The following BCL2L1 variants were observed in gnomAD, a reference collection of about 807,000 sequenced individuals.
BCL2L1 encodes the protein bcl-2-like protein 1.
Under a neutral mutation model 18.7 loss-of-function variants are expected in BCL2L1, and 1 was observed. The observed-to-expected ratio is 0.05, with a 90% CI of 0.02 to 0.25. BCL2L1 has a LOEUF of 0.25. BCL2L1 is among the 10% of genes least tolerant of loss of function. The pLI, the probability that BCL2L1 is intolerant of heterozygous loss-of-function variation, is 1.00. For missense variants in BCL2L1, 207 were observed against 304.9 expected (o/e 0.68, Z 2.39); for synonymous variants, 103 against 122.7 (o/e 0.84, Z 1.06).
In BCL2L1 at chr20:31,694,959, C is replaced by T. The variant is rs564461971; in HGVS notation, c.564+26696G>A. ...AACTAGGACTTGAATGCAGGCAGTT[C>T]AACTCCACAGCCCTAGCAGGAAATC... On this transcript the variant is annotated intron_variant, in intron 2 of 2. Coordinates refer to ENST00000307677, the MANE Select transcript of BCL2L1 (RefSeq NM_138578.3). 1.1e-4 allele frequency among the ~76,000 whole-genome samples: 16 copies of T among 152,258 alleles called. No individual in the cohort carries two copies. In the South Asian group the frequency reaches 3.3e-3, roughly 32 times the overall value.
At chr20:31,700,300 C>T (rs183758864) in intron 2 of BCL2L1, among the ~76,000 whole-genome samples, 5 of 152,326 alleles carry the variant, frequency 3.3e-5, no homozygotes, top group African/African-American at 1.2e-4. Flanking sequence ...AACTCCTCCC[C>T]TCACTATTAG....
At chr20:31,717,241 A>C (rs2061551197) in intron 2 of BCL2L1, among the ~76,000 whole-genome samples, 1 of 152,226 alleles carries the variant, frequency 6.6e-6, no homozygotes, top group South Asian at 2.1e-4. Flanking sequence ...GAGACTGGAC[A>C]CAGAGGAGGA....
intron 2 of BCL2L1, among the ~76,000 whole-genome samples, chr20:31,689,290 GGGAA>G (rs2061018721): frequency 9.8e-6 from 1 of 101,980 alleles, no homozygotes; most frequent in Admixed American, 1.0e-4. Context: ...GGGGAGGGGA[GGGAA>G]GGAAGAAAGA....
At position 31,687,547 on chromosome 20, in the gene BCL2L1, C is replaced by T. The variant is rs538083392; in HGVS notation, c.565-21461G>A. On this transcript the variant is annotated intron_variant, in intron 2 of 2. Transcript: ENST00000307677. ...AAAAAAATAGCCGGGTGTGGTGGCACGCGCCTGTAATCCCAGCTACTCAGG... is the reference window on the plus strand; with the variant it reads ...AAAAAAATAGCCGGGTGTGGTGGCATGCGCCTGTAATCCCAGCTACTCAGG... Among the ~76,000 whole-genome samples, 6 of 151,658 alleles carry T rather than the reference C, an allele frequency of 4.0e-5. 1 individual carries two copies. The South Asian group carries it at 1.3e-3, about 32-fold the overall frequency.
intron 2 of BCL2L1, among the ~76,000 whole-genome samples, chr20:31,694,939 G>A (rs1454407798): frequency 6.6e-6 from 1 of 152,082 alleles, no homozygotes; most frequent in Admixed American, 6.5e-5. Context: ...AAGCAAACTA[G>A]GACTTGAATG....
rs994679279 is a variant in BCL2L1 at position 31,665,105 on chromosome 20, C to T, written c.*844G>A. The stretch of plus-strand genomic sequence containing the variant: ...TGAGGAGCAGCCCAAGGCAAAGATG[C>T]CACAGGCTGCTCTTGTAGGAAGTGA... On this transcript the variant is annotated 3_prime_UTR_variant, in exon 3 of 3. Coordinates refer to ENST00000307677, the MANE Select transcript of BCL2L1 (RefSeq NM_138578.3). The T allele has an allele frequency of 1.1e-5, 2 of 181,298 alleles. No individual in the cohort carries two copies. Among genetic ancestry groups the T allele is most frequent in the Admixed American group, 1.3e-4 (2 of 15,890 alleles). The allele number at this position is 181,298 out of a possible 1,614,324, so 11.2% of individuals were successfully genotyped here. A position where few individuals can be genotyped will look rare whatever the true frequency, so the allele number is the denominator to read the frequency against.
intron 2 of BCL2L1, among the ~76,000 whole-genome samples, chr20:31,685,025 TAG>T (rs2060930651): frequency 6.6e-6 from 1 of 152,348 alleles, no homozygotes; most frequent in Admixed American, 6.5e-5. Flanking sequence ...CCCTAGATTT[TAG>T]AGACTCTATA....
At chr20:31,676,565 T>C (rs1171517218) in intron 2 of BCL2L1, among the ~76,000 whole-genome samples, 6 of 152,150 alleles carry the variant, frequency 3.9e-5, no homozygotes, top group African/African-American at 1.4e-4. Flanking sequence ...CGTAAGTAGA[T>C]GGCCACAGCC....
chr20:31,677,788 TAA>T (rs1214025296), intron 2 of BCL2L1, among the ~76,000 whole-genome samples: 1 of 152,192 alleles, frequency 6.6e-6, no homozygotes, highest in African/African-American at 2.4e-5. Flanking sequence ...TCTGAGGTCT[TAA>T]TCCACAGGTC....
At chr20:31,685,769 GA>G (rs1486392840) in intron 2 of BCL2L1, among the ~76,000 whole-genome samples, 1 of 152,162 alleles carries the variant, frequency 6.6e-6, no homozygotes, top group Admixed American at 6.5e-5. Flanking sequence ...GAGTGTAAGG[GA>G]AAAGTAAGCT....
intron 2 of BCL2L1, among the ~76,000 whole-genome samples, chr20:31,691,788 G>T (rs1412102695): frequency 6.6e-6 from 1 of 152,174 alleles, no homozygotes; most frequent in Admixed American, 6.5e-5. Flanking sequence ...ATGGCCAACA[G>T]ATGTAAGAAA....
intron 2 of BCL2L1, among the ~76,000 whole-genome samples, chr20:31,677,104 A>G (rs998348171): frequency 2.6e-5 from 4 of 152,172 alleles, no homozygotes; most frequent in Admixed American, 2.0e-4. Context: ...CAGAGAACCA[A>G]TAAGTCTTGC....
intron 2 of BCL2L1, among the ~76,000 whole-genome samples, chr20:31,705,088 G>A: frequency 6.6e-6 from 1 of 152,146 alleles, no homozygotes; most frequent in Non-Finnish European, 1.5e-5. Flanking sequence ...GGACAAGTTG[G>A]CTTTGGAGCC....
At chr20:31,707,095 G>A (rs1310149266) in intron 2 of BCL2L1, among the ~76,000 whole-genome samples, 1 of 152,202 alleles carries the variant, frequency 6.6e-6, no homozygotes, top group Non-Finnish European at 1.5e-5. Context: ...AACAAACAAG[G>A]AGGACCCTGG....
rs192213665 is a variant in BCL2L1 at position 31,697,575 on chromosome 20, C to A, written c.564+24080G>T. On this transcript the variant is annotated intron_variant, in intron 2 of 2. Coordinates refer to ENST00000307677, the MANE Select transcript of BCL2L1 (RefSeq NM_138578.3). ...GCCTTAGCCTCCCAAGTAGCTGGGA[C>A]TGCAGGTGCCCGCCACCACGCCCGG... Among the ~76,000 whole-genome samples the A allele has an allele frequency of 1.3e-4, 20 of 151,926 alleles. No homozygotes were observed. In the East Asian group the frequency reaches 3.7e-3, roughly 28 times the overall value.
chr20:31,712,162 G>T (rs566897509), intron 2 of BCL2L1, among the ~76,000 whole-genome samples: 1 of 152,162 alleles, frequency 6.6e-6, no homozygotes, highest in Non-Finnish European at 1.5e-5. Flanking sequence ...CAAAAACAGC[G>T]TCACTAAAGG....
chr20:31,670,743 C>T (rs2060654807), intron 2 of BCL2L1, among the ~76,000 whole-genome samples: 1 of 152,134 alleles, frequency 6.6e-6, no homozygotes, highest in African/African-American at 2.4e-5. Flanking sequence ...TTTGCGGAGA[C>T]AGCATGAGCA....
rs56937786 is a variant in BCL2L1 at position 31,709,840 on chromosome 20, C to CAAAAAAA, written c.564+11808_564+11814dup. ...ACTGAGCAAGAGCAAGACTCCATCT[C>CAAAAAAA]AAAAAAAAAAAAAAAAAAAAAAAAA... On this transcript the variant is annotated intron_variant, in intron 2 of 2. Transcript: ENST00000307677. 2.4e-3 allele frequency among the ~76,000 whole-genome samples: 156 copies of CAAAAAAA among 64,064 alleles called. 5 individuals carry two copies. The highest frequency in any genetic ancestry group is 4.1e-3 in the Non-Finnish European group (120 of 29,054). The allele number at this position is 64,064 out of a possible 152,430, so 42.0% of individuals were successfully genotyped here.
chr20:31,669,828 A>C (rs973203145), intron 2 of BCL2L1, among the ~76,000 whole-genome samples: 3 of 152,144 alleles, frequency 2.0e-5, no homozygotes, highest in African/African-American at 7.2e-5. Context: ...TAAATACATG[A>C]GAATACATGA....
Sources: gnomAD v4.1 joint callset for allele counts (sites outside exome capture counted in the v4.1 genomes callset) on GRCh38, gnomAD v4.1.1 for gene constraint, MANE v1.5 for transcripts, NCBI Gene and HGNC (gene_info 2026-07-23, HGNC 2026-07-21) for gene names.